ZC3H12C: variants seen among roughly 807,000 people sequenced by gnomAD.
The protein encoded by ZC3H12C is probable ribonuclease ZC3H12C.
Under a neutral mutation model 76.3 loss-of-function variants are expected in ZC3H12C, and 20 were observed. The ratio of observed to expected loss-of-function variants is 0.26; its 90% CI spans 0.18 to 0.38. The LOEUF is 0.38. ZC3H12C is among the 10% of genes least tolerant of loss of function. ZC3H12C has a pLI of 1.00. For synonymous variants in ZC3H12C, 352 were observed against 399.6 expected, an observed-to-expected ratio of 0.88 and a Z score of 1.42; for missense variants, 874 against 1,086.5, an observed-to-expected ratio of 0.80 and a Z score of 2.75.
Position 110,165,833 on chromosome 11 carries a change from A to G in ZC3H12C, c.*96A>G, listed in dbSNP as rs1186132294. 1.7e-6 allele frequency: 2 copies of G among 1,191,922 alleles called. No homozygotes were observed. Among genetic ancestry groups the G allele is most frequent in the East Asian group, 2.6e-5 (1 of 39,172 alleles). The allele number at this position is 1,191,922 out of a possible 1,614,324, so 73.8% of individuals were successfully genotyped here. Reference sequence around the variant, plus strand: ...TAGCACATGTGATCTCCTTCTCAGCAAGGAGGTTATATAGTATCCATTTAT... The same window carrying G: ...TAGCACATGTGATCTCCTTCTCAGCGAGGAGGTTATATAGTATCCATTTAT... On this transcript the variant is annotated 3_prime_UTR_variant, in exon 6 of 6. Coordinates refer to ENST00000278590, the MANE Select transcript of ZC3H12C (RefSeq NM_033390.2).
rs1727758794 is a variant in ZC3H12C, at chr11:110,171,655, G to A, written c.*5918G>A. ...TTTGTTTTTCTTTAATGAAGAAATT[G>A]ATCTCATATGGCATCATAGATGCTA... On this transcript the variant is annotated 3_prime_UTR_variant, in exon 6 of 6. Transcript: ENST00000278590. 1 of 152,054 alleles carries A rather than the reference G, an allele frequency of 6.6e-6. No homozygotes were observed. Among genetic ancestry groups the A allele is most frequent in the African/African-American group, 2.4e-5 (1 of 41,392 alleles). The allele number at this position is 152,054 out of a possible 1,614,324, so 9.4% of individuals were successfully genotyped here. A position where few individuals can be genotyped will look rare whatever the true frequency, so the allele number is the denominator to read the frequency against.
chr11:110,115,751 T>C (rs1038803780), intron 1 of ZC3H12C, among the ~76,000 whole-genome samples: 88 of 17,568 alleles, frequency 5.0e-3, no homozygotes, highest in Admixed American at 9.2e-3. Context: ...TCATTTTCTT[T>C]TTTTTTTTTT....
intron 2 of ZC3H12C, among the ~76,000 whole-genome samples, chr11:110,144,370 A>G (rs532602848): frequency 7.2e-4 from 109 of 152,320 alleles, no homozygotes; most frequent in Non-Finnish European, 1.2e-3. Context: ...TCACAACGCT[A>G]TGAGGTAGGT....
intron 1 of ZC3H12C, among the ~76,000 whole-genome samples, chr11:110,126,023 A>G (rs1272570481): frequency 6.6e-6 from 1 of 152,130 alleles, no homozygotes; most frequent in Non-Finnish European, 1.5e-5. Context: ...TCTTCCAGTA[A>G]ATGTCCCAAG....
chr11:110,139,745 C>T (rs186333821), intron 2 of ZC3H12C, among the ~76,000 whole-genome samples: 1 of 152,150 alleles, frequency 6.6e-6, no homozygotes, highest in African/African-American at 2.4e-5. Context: ...TACCTACAAC[C>T]ATGCCTGTAT....
Position 110,170,394 on chromosome 11 carries a change from T to C in ZC3H12C, c.*4657T>C, listed in dbSNP as rs1033313133. On this transcript the variant is annotated 3_prime_UTR_variant, in exon 6 of 6. Transcript: ENST00000278590. ...TGCATTTACCAGTTACATTTTTCCATTGGTTTTGGCTTCTAATAAATAACA... is the reference window on the plus strand; with the variant it reads ...TGCATTTACCAGTTACATTTTTCCACTGGTTTTGGCTTCTAATAAATAACA... The C allele has an allele frequency of 2.0e-5, 3 of 152,184 alleles. No individual in the cohort carries two copies. The highest frequency in any genetic ancestry group is 6.5e-5 in the Admixed American group (1 of 15,286). 9.4% of individuals were successfully genotyped at this position (152,184 alleles called of 1,614,324 possible).
chr11:110,163,819 C>G (rs766291721), intron 5 of ZC3H12C, among the ~76,000 whole-genome samples: 4 of 152,134 alleles, frequency 2.6e-5, no homozygotes, highest in Non-Finnish European at 5.9e-5. Flanking sequence ...CTGGAAGTGG[C>G]TGGGTGCAGT....
chr11:110,118,028 TATTA>T (rs1290518111), intron 1 of ZC3H12C, among the ~76,000 whole-genome samples: 1 of 101,224 alleles, frequency 9.9e-6, no homozygotes, highest in Non-Finnish European at 2.2e-5. Context: ...CACACATATA[TATTA>T]TATATATATA....
chr11:110,127,217 G>A (rs1861765403), intron 1 of ZC3H12C, among the ~76,000 whole-genome samples: 1 of 152,206 alleles, frequency 6.6e-6, no homozygotes, highest in African/African-American at 2.4e-5. Context: ...GTTAACCAGT[G>A]CTCCCTATAT....
intron 1 of ZC3H12C, among the ~76,000 whole-genome samples, chr11:110,128,009 T>G (rs2134168486): frequency 6.6e-6 from 1 of 152,120 alleles, no homozygotes; most frequent in Admixed American, 6.5e-5. Flanking sequence ...CTTACTTGTT[T>G]CACATTCATA....
intron 1 of ZC3H12C, among the ~76,000 whole-genome samples, chr11:110,101,741 G>T (rs920447091): frequency 6.6e-6 from 1 of 151,748 alleles, no homozygotes; most frequent in Non-Finnish European, 1.5e-5. Context: ...GTAGAGACGG[G>T]GTTTCACCAT....
chr11:110,123,238 T>A (rs1861681572), intron 1 of ZC3H12C, among the ~76,000 whole-genome samples: 1 of 152,220 alleles, frequency 6.6e-6, no homozygotes, highest in South Asian at 2.1e-4. Flanking sequence ...ACATCAGCAC[T>A]TTGGATGTCA....
In ZC3H12C at chr11:110,161,297, T is replaced by A. The variant is rs558113993; in HGVS notation, c.1148+1807T>A. On this transcript the variant is annotated intron_variant, in intron 4 of 5. Transcript: ENST00000278590. ...ATTGTGCTATTACGTTACCAGCAAC[T>A]TTTCAGCTCTACCGTCATATATGCA... is the stretch of plus-strand genomic sequence containing the variant. Among the ~76,000 whole-genome samples the A allele has an allele frequency of 3.3e-5, 5 of 152,358 alleles. No homozygotes were observed. In the South Asian group the frequency reaches 1.0e-3, roughly 32 times the overall value.
intron 1 of ZC3H12C, among the ~76,000 whole-genome samples, chr11:110,094,375 T>C (rs1036303081): frequency 6.6e-6 from 1 of 152,228 alleles, no homozygotes; most frequent in Non-Finnish European, 1.5e-5. Context: ...CAGAGATAAT[T>C]GGAGCTAAGT....
Position 110,137,011 on chromosome 11 carries a change from C to T in ZC3H12C, c.370C>T (p.Pro124Ser). Residue 124 changes from proline to serine, a missense_variant, in exon 2 of 6, where the codon CCC becomes TCC. Physicochemically the swap from Pro to Ser is moderately conservative, Grantham distance 74. Transcript: ENST00000278590. ...TKTHRQLCRS[P>S]CLEPHILKRN... ...GACTCACAGACAGCTCTGCAGGTCTCCCTGTTTAGAGCCTCACATACTCAA... is the reference window on the plus strand; with the variant it reads ...GACTCACAGACAGCTCTGCAGGTCTTCCTGTTTAGAGCCTCACATACTCAA... The T allele has an allele frequency of 6.2e-7, 1 of 1,613,820 alleles. No individual in the cohort carries two copies. The highest frequency in any genetic ancestry group is 2.2e-5 in the East Asian group (1 of 44,890).
chr11:110,164,660 A>C lies in ZC3H12C; in HGVS notation c.1575A>C (p.Pro525=). The C allele has an allele frequency of 6.2e-7, 1 of 1,614,030 alleles. No homozygotes were observed. Among genetic ancestry groups the C allele is most frequent in the Non-Finnish European group, 8.5e-7 (1 of 1,179,888 alleles). The part of the protein sequence containing the change: ...TRSVPSLVSI[P]ATSTAKPQST... ...CTGTACCTTCCTTAGTTAGCATCCC[A>C]GCTACTTCTACTGCAAAACCCCAAA... The change falls in exon 6 of 6, where the codon CCA becomes CCC. Residue 525 remains proline (P), a synonymous_variant. Coordinates refer to ENST00000278590, the MANE Select transcript of ZC3H12C (RefSeq NM_033390.2). This position sits in a 1 kb window ranked among gnomAD's most constrained non-coding sequence, Gnocchi z 5.7.
chr11:110,095,554 CT>C (rs1197461442), intron 1 of ZC3H12C, among the ~76,000 whole-genome samples: 2 of 152,194 alleles, frequency 1.3e-5, no homozygotes, highest in African/African-American at 4.8e-5. Context: ...TCATTTGAAA[CT>C]GGTATGCTTC....
intron 1 of ZC3H12C, among the ~76,000 whole-genome samples, chr11:110,093,770 A>C (rs1390832685): frequency 2.0e-5 from 3 of 152,036 alleles, no homozygotes; most frequent in Non-Finnish European, 4.4e-5. Context: ...ATAGATCGCG[A>C]ACATGGAGGC....
intron 3 of ZC3H12C, among the ~76,000 whole-genome samples, chr11:110,153,842 G>C (rs910697219): frequency 6.6e-6 from 1 of 152,206 alleles, no homozygotes; most frequent in African/African-American, 2.4e-5. Flanking sequence ...GCATTATTTT[G>C]TAGTTTTTAA....
Sources: gnomAD v4.1 joint callset for allele counts (sites outside exome capture counted in the v4.1 genomes callset) on GRCh38, gnomAD v4.1.1 for gene constraint, Gnocchi (gnomAD v3.1) non-coding constraint, MANE v1.5 for transcripts, NCBI Gene and HGNC (gene_info 2026-07-23, HGNC 2026-07-21) for gene names.